PM20D2: variants seen among roughly 807,000 people sequenced by gnomAD.
PM20D2 encodes peptidase M20 domain containing 2, also known as xaa-Arg dipeptidase.
In PM20D2, 33 loss-of-function variants were observed where a neutral mutation model predicts 42.9. The observed-to-expected ratio is 0.77, with a 90% confidence interval of 0.58 to 1.03. PM20D2 has a LOEUF of 1.03. Among genes scored for constraint, PM20D2 ranks in the 50% least tolerant of loss-of-function variants. The pLI, the probability that PM20D2 is intolerant of heterozygous loss-of-function variation, is 0.00. For synonymous variants in PM20D2, 250 were observed against 228.2 expected, an observed-to-expected ratio of 1.10 and a Z score of -0.86; for missense variants, 548 against 557.0, an observed-to-expected ratio of 0.98 and a Z score of 0.16.
the PM20D2 span, among the ~76,000 whole-genome samples, chr6:89,128,645 C>T: frequency 2.6e-5 from 4 of 152,026 alleles, no homozygotes; most frequent in African/African-American, 9.7e-5. Flanking sequence ...GTTCTTACAC[C>T]CCCTCCCCTT....
At chr6:89,125,479 C>CAA in the PM20D2 span, among the ~76,000 whole-genome samples, 163 of 147,904 alleles carry the variant, frequency 1.1e-3, no homozygotes, top group East Asian at 4.2e-3. Context: ...GACTCCGTCT[C>CAA]AAAAAAAAAA....
the PM20D2 span, among the ~76,000 whole-genome samples, chr6:89,094,647 G>A: frequency 6.6e-6 from 1 of 152,018 alleles, no homozygotes; most frequent in Non-Finnish European, 1.5e-5. Context: ...TTTCATCCAG[G>A]GAGTGATTTA....
chr6:89,128,282 G>C, the PM20D2 span, among the ~76,000 whole-genome samples: 1 of 152,126 alleles, frequency 6.6e-6, no homozygotes, highest in African/African-American at 2.4e-5. Context: ...CGGCTGCTCT[G>C]GGAGTCTCTG....
intron 4 of PM20D2, among the ~76,000 whole-genome samples, chr6:89,155,883 T>C (rs1316815794): frequency 2.6e-5 from 4 of 151,228 alleles, no homozygotes; most frequent in African/African-American, 9.7e-5. Flanking sequence ...GGCTAATTTT[T>C]TTTTTTCTTT....
At chr6:89,103,991 C>CTTTTTT in the PM20D2 span, among the ~76,000 whole-genome samples, 7 of 81,950 alleles carry the variant, frequency 8.5e-5, 1 homozygote, top group African/African-American at 2.8e-4. Context: ...TATTATATTT[C>CTTTTTT]TTTTTTTTTT....
At chr6:89,115,385 C>A in the PM20D2 span, among the ~76,000 whole-genome samples, 1 of 151,960 alleles carries the variant, frequency 6.6e-6, no homozygotes, top group Non-Finnish European at 1.5e-5. Flanking sequence ...GGGGTTCAAG[C>A]GATTCTCGTG....
the PM20D2 span, among the ~76,000 whole-genome samples, chr6:89,127,988 G>A: frequency 6.6e-6 from 1 of 152,162 alleles, no homozygotes; most frequent in East Asian, 1.9e-4. Flanking sequence ...TGTGATAATT[G>A]TGTTAACTGT....
the PM20D2 span, among the ~76,000 whole-genome samples, chr6:89,123,150 T>TG: frequency 1.4e-4 from 22 of 152,236 alleles, no homozygotes; most frequent in African/African-American, 2.6e-4. Context: ...TTGAAAATCT[T>TG]GGGGGGGTGT....
chr6:89,105,661 T>C, the PM20D2 span: 3 of 608,652 alleles, frequency 4.9e-6, no homozygotes, highest in East Asian at 3.0e-5. Context: ...TTCAATATAA[T>C]ATGAATAATC....
the PM20D2 span, among the ~76,000 whole-genome samples, chr6:89,129,858 G>T: frequency 1.3e-5 from 2 of 151,966 alleles, no homozygotes; most frequent in African/African-American, 2.4e-5. Flanking sequence ...CTCCCAAACA[G>T]CTGGGACTAC....
the PM20D2 span, chr6:89,106,940 G>T: frequency 3.4e-6 from 2 of 587,242 alleles, no homozygotes; most frequent in East Asian, 3.7e-5. Flanking sequence ...CTTTTGTCTC[G>T]CCTGCTGGGT....
chr6:89,131,809 C>G, the PM20D2 span, among the ~76,000 whole-genome samples: 2 of 152,194 alleles, frequency 1.3e-5, no homozygotes, highest in African/African-American at 4.8e-5. Context: ...AGTCCAATTC[C>G]TGCCACAGCC....
In PM20D2 at chr6:89,153,179, G is replaced by C. The variant is rs1394732605; in HGVS notation, c.751G>C (p.Val251Leu). Residue 251 changes from valine to leucine, a missense_variant, in exon 3 of 7, where the codon GTT becomes CTT. By Grantham distance (32) the Val-to-Leu change is conservative. Around this residue, in one of 3 missense-constraint regions of PM20D2, gnomAD observed 470 missense variants for 464.4 expected, o/e 1.01. Coordinates refer to ENST00000275072, the MANE Select transcript of PM20D2 (RefSeq NM_001010853.3). ...FRQQMKPTWR[V>L]HGIIKNGGVK... Reference sequence around the variant, plus strand: ...ACAGCAAATGAAACCAACCTGGAGAGTTCATGGTATGAATGTCAAATACCT... The same window carrying C: ...ACAGCAAATGAAACCAACCTGGAGACTTCATGGTATGAATGTCAAATACCT... 14 of 1,593,728 alleles carry C rather than the reference G, an allele frequency of 8.8e-6. No homozygotes were observed. The highest frequency in any genetic ancestry group is 1.0e-5 in the Non-Finnish European group (12 of 1,171,318).
At chr6:89,095,371 C>G in the PM20D2 span, among the ~76,000 whole-genome samples, 5 of 152,222 alleles carry the variant, frequency 3.3e-5, no homozygotes, top group Admixed American at 2.6e-4. Context: ...CGCCACCACG[C>G]CCGGCTAATT....
the PM20D2 span, among the ~76,000 whole-genome samples, chr6:89,127,423 G>A: frequency 9.2e-5 from 14 of 151,494 alleles, no homozygotes; most frequent in Non-Finnish European, 1.8e-4. Context: ...TCTGCCTCCC[G>A]GGTTCAAGCA....
chr6:89,117,873 C>G, the PM20D2 span: 91 of 1,562,666 alleles, frequency 5.8e-5, 1 homozygote, highest in South Asian at 9.5e-4. Context: ...TGGGGGGCCT[C>G]GTGTAGCGAG....
chr6:89,158,055 A>C (rs371188202), intron 4 of PM20D2, among the ~76,000 whole-genome samples: 2 of 152,172 alleles, frequency 1.3e-5, no homozygotes, highest in South Asian at 2.1e-4. Context: ...TATCTAGGTG[A>C]CTGAAGTTGA....
chr6:89,162,128 C>T lies in PM20D2; in HGVS notation c.1176C>T (p.Phe392=), dbSNP rs1178453561. 3.7e-6 allele frequency: 6 copies of T among 1,613,530 alleles called. No individual in the cohort carries two copies. Among genetic ancestry groups the T allele is most frequent in the Non-Finnish European group, 5.1e-6 (6 of 1,179,870 alleles). The change falls in exon 7 of 7, where the codon TTC becomes TTT. Residue 392 remains phenylalanine, a synonymous_variant. Transcript: ENST00000275072. ...TTTTAGGGTCACAGGAAGCTCAGTTCTACACTCTGCGGACGGCCAAAGCTC... is the reference window on the plus strand; with the variant it reads ...TTTTAGGGTCACAGGAAGCTCAGTTTTACACTCTGCGGACGGCCAAAGCTC... ...TEAAGSQEAQ[F]YTLRTAKALA...
intron 1 of PM20D2, chr6:89,148,521 T>G (rs543293622): frequency 3.1e-6 from 3 of 980,158 alleles, no homozygotes; most frequent in Non-Finnish European, 3.6e-6. Flanking sequence ...TTTTGTTTAA[T>G]TAGGTGTTTG....
Sources: allele counts gnomAD v4.1 joint callset (sites outside exome capture counted in the v4.1 genomes callset), GRCh38; gene constraint gnomAD v4.1.1; regional missense constraint gnomAD v4.1.1; transcripts MANE v1.5; gene names NCBI Gene and HGNC (gene_info 2026-07-23, HGNC 2026-07-21).